HS6ST3: variants seen among roughly 807,000 people sequenced by gnomAD.
HS6ST3 encodes heparan-sulfate 6-O-sulfotransferase 3.
HS6ST3 carries 12 observed loss-of-function variants against 36.7 expected under a neutral mutation model. The observed-to-expected ratio is 0.33, with a 90% CI of 0.21 to 0.53. The LOEUF (loss-of-function observed/expected upper bound fraction) is 0.53. Ranked by LOEUF, HS6ST3 falls within the 20% of genes least tolerant of loss-of-function variation. The probability of loss-of-function intolerance (pLI) is 0.95; values close to 1 mark genes in which losing one functional copy is unlikely to be tolerated. For synonymous variants in HS6ST3, 240 were observed against 257.5 expected (o/e 0.93, Z 0.65); for missense variants, 584 against 640.9 (o/e 0.91, Z 0.96).
At chr13:96,351,159 A>T (rs781043020) in intron 1 of HS6ST3, among the ~76,000 whole-genome samples, 1 of 152,142 alleles carries the variant, frequency 6.6e-6, no homozygotes, top group African/African-American at 2.4e-5. Flanking sequence ...TAAATGAAAG[A>T]TAATAAACTA....
At chr13:96,265,545 G>A (rs1291906421) in intron 1 of HS6ST3, among the ~76,000 whole-genome samples, 1 of 152,112 alleles carries the variant, frequency 6.6e-6, no homozygotes, top group Non-Finnish European at 1.5e-5. Context: ...TTTATGTAGT[G>A]TGAAAAGTAA....
intron 1 of HS6ST3, among the ~76,000 whole-genome samples, chr13:96,349,598 A>C (rs1396730837): frequency 6.6e-6 from 1 of 152,222 alleles, no homozygotes; most frequent in African/African-American, 2.4e-5. Context: ...GGTATAGCTT[A>C]ATGCAAGTTT....
chr13:96,819,555 G>A (rs1205046393), intron 1 of HS6ST3, among the ~76,000 whole-genome samples: 3 of 152,150 alleles, frequency 2.0e-5, no homozygotes, highest in Non-Finnish European at 4.4e-5. Flanking sequence ...AAATAAGACG[G>A]TGTTGGGTAG....
intron 1 of HS6ST3, among the ~76,000 whole-genome samples, chr13:96,139,200 G>A (rs1038029128): frequency 1.3e-5 from 2 of 151,926 alleles, no homozygotes; most frequent in Admixed American, 6.6e-5. Context: ...GTGCTGGAAC[G>A]CTTTGGATAT....
chr13:96,180,659 G>A (rs2054235551), intron 1 of HS6ST3, among the ~76,000 whole-genome samples: 1 of 152,160 alleles, frequency 6.6e-6, no homozygotes, highest in Admixed American at 6.5e-5. Flanking sequence ...CTGGCACTGA[G>A]GCAAGTGTTG....
intron 1 of HS6ST3, among the ~76,000 whole-genome samples, chr13:96,312,204 T>A (rs1372032000): frequency 1.3e-5 from 2 of 152,182 alleles, no homozygotes; most frequent in Non-Finnish European, 2.9e-5. Flanking sequence ...ATCCAGCCCC[T>A]CTTCATTTCT....
chr13:96,386,177 G>A (rs1875695791), intron 1 of HS6ST3, among the ~76,000 whole-genome samples: 1 of 152,200 alleles, frequency 6.6e-6, no homozygotes, highest in Admixed American at 6.5e-5. Context: ...TGCCCTCAGG[G>A]GCGAAGCAAC....
intron 1 of HS6ST3, among the ~76,000 whole-genome samples, chr13:96,786,721 T>G (rs1226027357): frequency 6.6e-6 from 1 of 152,208 alleles, no homozygotes; most frequent in Non-Finnish European, 1.5e-5. Flanking sequence ...AAGACTTAAT[T>G]TTTAAATTAT....
chr13:96,745,141 T>C (rs770456060), intron 1 of HS6ST3, among the ~76,000 whole-genome samples: 1 of 152,040 alleles, frequency 6.6e-6, no homozygotes, highest in Non-Finnish European at 1.5e-5. Flanking sequence ...TGAGTTCTGC[T>C]CCAATCTCTA....
intron 1 of HS6ST3, among the ~76,000 whole-genome samples, chr13:96,366,305 G>A (rs2055262385): frequency 6.6e-6 from 1 of 152,064 alleles, no homozygotes; most frequent in African/African-American, 2.4e-5. Context: ...GTGAAACCCT[G>A]TCTCTACTAA....
intron 1 of HS6ST3, among the ~76,000 whole-genome samples, chr13:96,647,554 G>A (rs1056134901): frequency 2.0e-5 from 3 of 151,910 alleles, no homozygotes; most frequent in Admixed American, 6.6e-5. Flanking sequence ...ACAAAATTTT[G>A]TATTAGCAAG....
intron 1 of HS6ST3, among the ~76,000 whole-genome samples, chr13:96,268,922 G>A (rs550988681): frequency 2.6e-5 from 4 of 152,052 alleles, no homozygotes; most frequent in Admixed American, 2.6e-4. Context: ...CATTATGCTA[G>A]CCCATGAGCT....
intron 1 of HS6ST3, among the ~76,000 whole-genome samples, chr13:96,137,368 A>ATT (rs1303180489): frequency 6.6e-6 from 1 of 151,858 alleles, no homozygotes; most frequent in African/African-American, 2.4e-5. Context: ...CATGGTATGA[A>ATT]TACATCATTT....
At chr13:96,778,649 T>C (rs1877453767) in intron 1 of HS6ST3, among the ~76,000 whole-genome samples, 1 of 152,082 alleles carries the variant, frequency 6.6e-6, no homozygotes, top group African/African-American at 2.4e-5. Flanking sequence ...AGAATGGTGA[T>C]CATTAAAAAG....
chr13:96,794,796 G>A (rs899316380), intron 1 of HS6ST3, among the ~76,000 whole-genome samples: 3 of 151,956 alleles, frequency 2.0e-5, no homozygotes, highest in East Asian at 1.9e-4. Flanking sequence ...TGATGTATAA[G>A]GTCATCAGAT....
chr13:96,536,417 T>C (rs1042995309), intron 1 of HS6ST3, among the ~76,000 whole-genome samples: 1 of 152,252 alleles, frequency 6.6e-6, no homozygotes, highest in Non-Finnish European at 1.5e-5. Context: ...GTTACACTTA[T>C]AATTTATTAT....
intron 1 of HS6ST3, among the ~76,000 whole-genome samples, chr13:96,675,279 AT>A (rs978398618): frequency 6.1e-4 from 92 of 151,984 alleles, no homozygotes; most frequent in South Asian, 1.9e-3. Flanking sequence ...CAAGAACTAC[AT>A]TTTCTGATTT....
intron 1 of HS6ST3, among the ~76,000 whole-genome samples, chr13:96,348,924 AAGTC>A (rs756845183): frequency 1.3e-5 from 2 of 152,164 alleles, no homozygotes; most frequent in Non-Finnish European, 2.9e-5. Flanking sequence ...TCACCAATAA[AAGTC>A]AGGGATGTTT....
chr13:96,410,393 A>G (rs1317223348), intron 1 of HS6ST3, among the ~76,000 whole-genome samples: 1 of 152,200 alleles, frequency 6.6e-6, no homozygotes, highest in Non-Finnish European at 1.5e-5. Context: ...AAGCATGTAT[A>G]GCCTCACTGA....
Sources: gnomAD v4.1 joint callset for allele counts (sites outside exome capture counted in the v4.1 genomes callset) on GRCh38, gnomAD v4.1.1 for gene constraint, MANE v1.5 for transcripts, NCBI Gene and HGNC (gene_info 2026-07-23, HGNC 2026-07-21) for gene names.